IGDCC4: variants seen among roughly 807,000 people sequenced by gnomAD.
IGDCC4 encodes the protein immunoglobulin superfamily DCC subclass member 4, also known as likely ortholog of mouse neighbor of Punc E11.
In IGDCC4, 72 loss-of-function variants were observed where a neutral mutation model predicts 116.6. The ratio of observed to expected loss-of-function variants is 0.62; its 90% CI spans 0.51 to 0.75. The LOEUF (loss-of-function observed/expected upper bound fraction) is 0.75. IGDCC4 is among the 30% of genes least tolerant of loss of function. The probability of loss-of-function intolerance (pLI) is 0.00; values close to 1 mark genes in which losing one functional copy is unlikely to be tolerated. For missense variants in IGDCC4, 1,501 were observed against 1,662.4 expected, an observed-to-expected ratio of 0.90 and a Z score of 1.69; for synonymous variants, 709 against 719.9, an observed-to-expected ratio of 0.98 and a Z score of 0.24.
chr15:65,422,519 A>ACCAC (rs1555438300), intron 1 of IGDCC4, among the ~76,000 whole-genome samples: 1 of 131,226 alleles, frequency 7.6e-6, no homozygotes, highest in South Asian at 2.7e-4. Flanking sequence ...GAGCACTCCC[A>ACCAC]ACACACACAC....
At chr15:65,416,501 G>A (rs2063145977) in intron 1 of IGDCC4, among the ~76,000 whole-genome samples, 1 of 152,212 alleles carries the variant, frequency 6.6e-6, no homozygotes, top group Non-Finnish European at 1.5e-5. Context: ...TATAAGTGTG[G>A]CTCCCATACC....
At chr15:65,397,042 C>T in intron 5 of IGDCC4, 53 bp from the exon 6 acceptor site, 1 of 1,545,318 alleles carries the variant, frequency 6.5e-7, no homozygotes, top group South Asian at 1.2e-5. Context: ...CTGCCCTTCC[C>T]TTCAGTCTCC....
chr15:65,396,862 G>A lies in IGDCC4; in HGVS notation c.969C>T (p.Ala323=), dbSNP rs199716821. ...RANKPRTRDF[A]TAAAELRVLA... ...GCACACGGAGCTCAGCGGCTGCAGT[G>A]GCGAAGTCGCGCGTGCGGGGCTTGT... Residue 323 remains alanine (A), a synonymous_variant, in exon 6 of 20, where the codon GCC becomes GCT. Coordinates refer to ENST00000352385, the MANE Select transcript of IGDCC4 (RefSeq NM_020962.3). 73 of 1,575,898 alleles carry A rather than the reference G, an allele frequency of 4.6e-5. No homozygotes were observed. The highest frequency in any genetic ancestry group is 6.1e-5 in the Non-Finnish European group (71 of 1,160,908).
intron 1 of IGDCC4, among the ~76,000 whole-genome samples, chr15:65,413,811 A>C (rs1360534847): frequency 1.3e-5 from 2 of 152,210 alleles, no homozygotes; most frequent in Non-Finnish European, 2.9e-5. Context: ...GCACAAAACA[A>C]TGGCGAGGGA....
chr15:65,411,405 T>G (rs1472254134), intron 1 of IGDCC4, 35 bp from the exon 2 acceptor site: 14 of 1,493,676 alleles, frequency 9.4e-6, no homozygotes, highest in Non-Finnish European at 4.5e-6. Context: ...CATCAGTGTA[T>G]GTCCCCCCAC....
rs775122408 is a variant in IGDCC4, at chr15:65,395,133, G to A, written c.1537C>T (p.Arg513Cys). ...VVAYSQLGAS[R>C]TSTPALVHTL... The stretch of plus-strand genomic sequence containing the variant: ...TGCACCAGTGCTGGGGTGGAGGTGC[G>A]GCTGGCTCCCAGCTGGGAGTAGGCC... The change falls in exon 8 of 20, where the codon CGC becomes TGC. Residue 513 changes from arginine to cysteine, a missense_variant. Coordinates refer to ENST00000352385, the MANE Select transcript of IGDCC4 (RefSeq NM_020962.3). 4.0e-5 allele frequency: 64 copies of A among 1,613,606 alleles called. No homozygotes were observed. The Admixed American group carries it at 6.0e-4, about 15-fold the overall frequency.
At chr15:65,402,040 C>T (rs1302004230) in intron 4 of IGDCC4, among the ~76,000 whole-genome samples, 1 of 152,148 alleles carries the variant, frequency 6.6e-6, no homozygotes, top group Non-Finnish European at 1.5e-5. Context: ...ACTGACACCG[C>T]CTCAGATGCC....
intron 3 of IGDCC4, among the ~76,000 whole-genome samples, chr15:65,404,483 C>T (rs1443545446): frequency 6.6e-6 from 1 of 152,268 alleles, no homozygotes; most frequent in South Asian, 2.1e-4. Context: ...ATCTAACGTG[C>T]TCTTCCTCCA....
chr15:65,385,250 A>G (rs2091443846), intron 18 of IGDCC4, 135 bp from the exon 19 acceptor site: 3 of 940,800 alleles, frequency 3.2e-6, no homozygotes, highest in Admixed American at 6.2e-5. Context: ...CTCCCTCTCC[A>G]AGGCTCTGGG....
intron 5 of IGDCC4, among the ~76,000 whole-genome samples, chr15:65,399,297 C>A (rs1300121784): frequency 2.6e-5 from 4 of 151,766 alleles, no homozygotes; most frequent in African/African-American, 9.7e-5. Flanking sequence ...ATCTAGAAAC[C>A]CTGTCTCTAC....
At position 65,388,935 on chromosome 15, in the gene IGDCC4, T is replaced by G; in HGVS notation, c.2580A>C (p.Thr860=). The G allele has an allele frequency of 6.2e-7, 1 of 1,612,102 alleles. No individual in the cohort carries two copies. Among genetic ancestry groups the G allele is most frequent in the South Asian group, 1.1e-5 (1 of 90,918 alleles). Residue 860 remains threonine, a synonymous_variant, in exon 15 of 20, where the codon ACA becomes ACC. Transcript: ENST00000352385. The stretch of plus-strand genomic sequence containing the variant: ...ACCAGTGCAGCCGAACCGTGGACGG[T>G]GTCAGGGGGCTCAGTCGCAGGTCGG... The part of the protein sequence containing the change: ...PPSDLRLSPL[T]PSTVRLHWCP...
chr15:65,393,819 AAC>A lies in IGDCC4; in HGVS notation c.1715-290_1715-289del, dbSNP rs139985188. Among the ~76,000 whole-genome samples the A allele has an allele frequency of 6.6e-6, 1 of 151,792 alleles. No homozygotes were observed. Among genetic ancestry groups the A allele is most frequent in the Non-Finnish European group, 1.5e-5 (1 of 67,858 alleles). The stretch of plus-strand genomic sequence containing the variant: ...GAGCTGTCAATGACCATCCCCTGCC[AAC>A]ACACACACACACGGGATGCAGACAC... On this transcript the variant is annotated intron_variant, in intron 9 of 19. Transcript: ENST00000352385. This position sits in a 1 kb window ranked among gnomAD's most constrained non-coding sequence, Gnocchi z 4.6.
intron 1 of IGDCC4, among the ~76,000 whole-genome samples, chr15:65,418,383 C>T (rs1346602366): frequency 6.6e-6 from 1 of 152,164 alleles, no homozygotes; most frequent in Non-Finnish European, 1.5e-5. Flanking sequence ...ACTTTCTGCT[C>T]ACTGGCCAGA....
Position 65,389,386 on chromosome 15 carries a change from C to A in IGDCC4, c.2434G>T (p.Gly812Cys). Reference sequence around the variant, plus strand: ...TCGTATTTGGTGAATGGCTTCAAGCCGCCAATGAGGATGTCTTCTCCAGAA... The same window carrying A: ...TCGTATTTGGTGAATGGCTTCAAGCAGCCAATGAGGATGTCTTCTCCAGAA... ...TSSGEDILIG[G>C]LKPFTKYEFA... Residue 812 changes from glycine to cysteine, a missense_variant, in exon 14 of 20, where the codon GGC (glycine) becomes TGC (cysteine). Around this residue, in one of 3 missense-constraint regions of IGDCC4, gnomAD observed 235 missense variants for 328.0 expected, o/e 0.72. Coordinates refer to ENST00000352385, the MANE Select transcript of IGDCC4 (RefSeq NM_020962.3). 1 of 1,614,170 alleles carries A rather than the reference C, an allele frequency of 6.2e-7. No homozygotes were observed. Among genetic ancestry groups the A allele is most frequent in the Non-Finnish European group, 8.5e-7 (1 of 1,180,028 alleles).
Position 65,396,570 on chromosome 15 carries a change from CCA to C in IGDCC4, c.997+262_997+263del. On this transcript the variant is annotated intron_variant, in intron 6 of 19. Coordinates refer to ENST00000352385, the MANE Select transcript of IGDCC4 (RefSeq NM_020962.3). ...TCACTCCACTATCCCCACAATAACC[CCA>C]GTCACAACTCCCCGCTAATCACCCG... 3 of 585,330 alleles carry C rather than the reference CCA, an allele frequency of 5.1e-6. 1 individual carries two copies. The South Asian group carries it at 6.0e-5, about 12-fold the overall frequency. 36.3% of individuals were successfully genotyped at this position (585,330 alleles called of 1,614,324 possible).
chr15:65,415,131 G>A (rs1322607252), intron 1 of IGDCC4, among the ~76,000 whole-genome samples: 2 of 152,192 alleles, frequency 1.3e-5, no homozygotes, highest in Non-Finnish European at 2.9e-5. Flanking sequence ...AGGCAAGCCC[G>A]GCTCTCAGTC....
At chr15:65,410,772 T>C (rs2063083398) in intron 2 of IGDCC4, 1 of 543,442 alleles carries the variant, frequency 1.8e-6, no homozygotes, top group Non-Finnish European at 3.3e-6. Flanking sequence ...AAGCCCAGAC[T>C]CTAGGACTCA....
intron 1 of IGDCC4, among the ~76,000 whole-genome samples, chr15:65,413,293 T>C (rs978363881): frequency 1.3e-5 from 2 of 152,012 alleles, no homozygotes; most frequent in African/African-American, 4.8e-5. Context: ...CACAGCCTGG[T>C]CTGTACTGGT....
intron 15 of IGDCC4, 48 bp from the exon 16 acceptor site, chr15:65,388,634 T>TG: frequency 6.2e-7 from 1 of 1,611,248 alleles, no homozygotes; most frequent in Non-Finnish European, 8.5e-7. Context: ...ATGGGGTGGG[T>TG]GGATGCAGAG....
Sources: gnomAD v4.1 joint callset for allele counts (sites outside exome capture counted in the v4.1 genomes callset) on GRCh38, gnomAD v4.1.1 for gene constraint, gnomAD v4.1.1 regional missense constraint, Gnocchi (gnomAD v3.1) non-coding constraint, MANE v1.5 for transcripts, NCBI Gene and HGNC (gene_info 2026-07-23, HGNC 2026-07-21) for gene names.